SPAG9: variants seen among roughly 807,000 people sequenced by gnomAD.
The protein encoded by SPAG9 is sperm associated antigen 9.
A neutral mutation model predicts 166.5 loss-of-function variants in SPAG9; 35 were observed. The ratio of observed to expected loss-of-function variants is 0.21; its 90% confidence interval spans 0.16 to 0.28. The LOEUF (loss-of-function observed/expected upper bound fraction) is 0.28. SPAG9 is among the 10% of genes least tolerant of loss of function. The pLI, the probability that SPAG9 is intolerant of heterozygous loss-of-function variation, is 1.00. For missense variants in SPAG9, 1,235 were observed against 1,603.3 expected (o/e 0.77, Z 3.92); for synonymous variants, 534 against 565.5 (o/e 0.94, Z 0.79).
chr17:50,985,623 C>A, intron 23 of SPAG9, 75 bp downstream of exon 23: 2 of 793,208 alleles, frequency 2.5e-6, no homozygotes, highest in Non-Finnish European at 4.1e-6. Flanking sequence ...CATGTATTAG[C>A]TTTCAAAGTC....
intron 2 of SPAG9, among the ~76,000 whole-genome samples, chr17:51,073,397 A>G (rs1180272538): frequency 1.3e-5 from 2 of 152,086 alleles, no homozygotes; most frequent in Non-Finnish European, 2.9e-5. Flanking sequence ...CAGAGGTGAG[A>G]GTACTGCTTG....
At chr17:51,010,580 AAAATAT>A (rs1488990980) in intron 9 of SPAG9, among the ~76,000 whole-genome samples, 2 of 140,222 alleles carry the variant, frequency 1.4e-5, no homozygotes, top group Non-Finnish European at 3.1e-5. Context: ...AAAAAAAAAA[AAAATAT>A]ATATATATAT....
intron 9 of SPAG9, among the ~76,000 whole-genome samples, chr17:51,011,106 G>C (rs2045464557): frequency 6.6e-6 from 1 of 152,002 alleles, no homozygotes; most frequent in African/African-American, 2.4e-5. Flanking sequence ...AGAAAGTTGA[G>C]GGATGAGACA....
chr17:50,990,106 C>T (rs1315173981), intron 20 of SPAG9: 2 of 556,102 alleles, frequency 3.6e-6, no homozygotes, highest in Middle Eastern at 4.9e-4. Flanking sequence ...TGGCTCACTG[C>T]AAGCTCCACC....
intron 24 of SPAG9, among the ~76,000 whole-genome samples, chr17:50,982,905 T>C (rs962899604): frequency 6.6e-6 from 1 of 152,166 alleles, no homozygotes; most frequent in African/African-American, 2.4e-5. Flanking sequence ...CTAGACCCCC[T>C]TTAAAACATG....
intron 4 of SPAG9, chr17:51,046,710 G>T (rs1295635794): frequency 1.3e-6 from 2 of 1,535,868 alleles, no homozygotes; most frequent in Admixed American, 2.0e-5. Flanking sequence ...GCCTACACGG[G>T]GGCCAAAGGG....
At chr17:51,049,939 A>T (rs139665062) in intron 3 of SPAG9, among the ~76,000 whole-genome samples, 1 of 152,320 alleles carries the variant, frequency 6.6e-6, no homozygotes, top group East Asian at 1.9e-4. Flanking sequence ...AATTGTATGT[A>T]TGGGATTGAT....
At chr17:51,072,910 G>C (rs2047863503) in intron 2 of SPAG9, among the ~76,000 whole-genome samples, 1 of 152,120 alleles carries the variant, frequency 6.6e-6, no homozygotes, top group Admixed American at 6.5e-5. Flanking sequence ...GAAGTTTTTA[G>C]GCTGTGTACA....
intron 2 of SPAG9, among the ~76,000 whole-genome samples, chr17:51,079,314 C>T (rs1364824876): frequency 6.6e-6 from 1 of 151,992 alleles, no homozygotes; most frequent in East Asian, 1.9e-4. Context: ...TCTTGGCTCA[C>T]TGCAGCCTCT....
intron 6 of SPAG9, among the ~76,000 whole-genome samples, chr17:51,026,533 C>A (rs1215457371): frequency 6.6e-6 from 1 of 151,882 alleles, no homozygotes; most frequent in Non-Finnish European, 1.5e-5. Context: ...TTTATACTTA[C>A]CACATAAAAA....
At chr17:51,091,927 G>A (rs895963387) in intron 1 of SPAG9, among the ~76,000 whole-genome samples, 8 of 148,656 alleles carry the variant, frequency 5.4e-5, no homozygotes, top group Middle Eastern at 3.5e-3. Context: ...GGACTGTTTC[G>A]CCCCACTGTT....
chr17:51,088,845 A>T (rs1292062771), intron 1 of SPAG9, among the ~76,000 whole-genome samples: 2 of 151,914 alleles, frequency 1.3e-5, no homozygotes, highest in African/African-American at 4.8e-5. Context: ...CTGTAATCCC[A>T]GCACTTTGGG....
chr17:51,083,930 T>C (rs2048239052), intron 1 of SPAG9, among the ~76,000 whole-genome samples: 1 of 152,132 alleles, frequency 6.6e-6, no homozygotes, highest in Non-Finnish European at 1.5e-5. Flanking sequence ...TTAGCACCTC[T>C]TCGCTATACT....
intron 1 of SPAG9, among the ~76,000 whole-genome samples, chr17:51,080,672 G>A (rs2048135865): frequency 6.6e-6 from 1 of 151,924 alleles, no homozygotes; most frequent in African/African-American, 2.4e-5. Context: ...CACAAGGTCA[G>A]GAGTTCAAGA....
chr17:51,102,532 C>T (rs1480828096), intron 1 of SPAG9, among the ~76,000 whole-genome samples: 2 of 150,682 alleles, frequency 1.3e-5, no homozygotes, highest in African/African-American at 2.4e-5. Flanking sequence ...GGTGGAGTCT[C>T]GCTCTGTCAC....
At chr17:51,066,160 C>T (rs1196643614) in intron 2 of SPAG9, among the ~76,000 whole-genome samples, 1 of 151,380 alleles carries the variant, frequency 6.6e-6, no homozygotes, top group African/African-American at 2.4e-5. Flanking sequence ...GGCTGGAGTG[C>T]AATGGCACAA....
chr17:51,021,009 T>C, intron 7 of SPAG9, 149 bp downstream of exon 7: 1 of 673,828 alleles, frequency 1.5e-6, no homozygotes. Context: ...AATCTACAGA[T>C]GCAGAACCAC....
chr17:50,973,710 G>C (rs1036305946), intron 28 of SPAG9, among the ~76,000 whole-genome samples: 2 of 152,204 alleles, frequency 1.3e-5, no homozygotes, highest in Non-Finnish European at 2.9e-5. Flanking sequence ...GAGTAAAGCA[G>C]ATTACACGCC....
chr17:51,082,377 C>CAA (rs773287286), intron 1 of SPAG9, among the ~76,000 whole-genome samples: 1,623 of 48,932 alleles, frequency 0.033, 152 homozygotes, highest in African/African-American at 0.11. Context: ...AAGACTGTCT[C>CAA]AAAAAAAAAA....
Sources: allele counts gnomAD v4.1 joint callset (sites outside exome capture counted in the v4.1 genomes callset), GRCh38; gene constraint gnomAD v4.1.1; transcripts MANE v1.5; gene names NCBI Gene and HGNC (gene_info 2026-07-23, HGNC 2026-07-21).